HYDIN: variants seen among roughly 807,000 people sequenced by gnomAD.
HYDIN encodes axonemal central pair apparatus protein HYDIN.
A neutral mutation model predicts 403.9 loss-of-function variants in HYDIN; 132 were observed. That is an observed-to-expected ratio of 0.33 (90% CI 0.28 to 0.38). HYDIN has a LOEUF of 0.38. HYDIN is among the 10% of genes least tolerant of loss of function. The pLI is 1.00. For missense variants in HYDIN, 2,827 were observed against 5,009.5 expected, an observed-to-expected ratio of 0.56 and a Z score of 13.15; for synonymous variants, 1,202 against 1,891.7, an observed-to-expected ratio of 0.64 and a Z score of 9.46.
chr16:71,145,340 C>T (rs1043867814), intron 7 of HYDIN, among the ~76,000 whole-genome samples: 3 of 151,942 alleles, frequency 2.0e-5, no homozygotes, highest in Non-Finnish European at 4.4e-5. Flanking sequence ...CTGTAACCTC[C>T]GACTCCCTGG....
At chr16:71,172,433 T>C (rs2086503910) in intron 5 of HYDIN, among the ~76,000 whole-genome samples, 2 of 152,246 alleles carry the variant, frequency 1.3e-5, no homozygotes, top group Admixed American at 6.5e-5. Context: ...TTTTATAGTG[T>C]TATTTTATGA....
chr16:70,864,811 T>C (rs1305403538), intron 67 of HYDIN, among the ~76,000 whole-genome samples: 1 of 152,182 alleles, frequency 6.6e-6, no homozygotes, highest in East Asian at 1.9e-4. Context: ...TTTTTTGTCT[T>C]TGTGTCCCAT....
intron 8 of HYDIN, among the ~76,000 whole-genome samples, chr16:71,135,103 G>A (rs2144528141): frequency 6.6e-6 from 1 of 151,952 alleles, no homozygotes; most frequent in African/African-American, 2.4e-5. Flanking sequence ...TTAAAAGAGG[G>A]TCATGATTCT....
chr16:70,807,641 G>C lies in HYDIN; in HGVS notation c.15305C>G (p.Pro5102Arg). ...ITTKLTVSCP[P>R]GEGSETGVKW... ...AACTCCAGTCTCACTCCCTTCACCA[G>C]GAGGGCAGCTCACAGTCAGCTTGGT... Residue 5102 changes from proline to arginine, a missense_variant, in exon 86 of 86, where the codon CCT becomes CGT. Transcript: ENST00000393567. 6.2e-7 allele frequency: 1 copy of C among 1,614,174 alleles called. No individual in the cohort carries two copies. The highest frequency in any genetic ancestry group is 1.3e-5 in the African/African-American group (1 of 75,042).
chr16:71,206,109 C>G (rs2088286027), intron 1 of HYDIN, among the ~76,000 whole-genome samples: 1 of 152,218 alleles, frequency 6.6e-6, no homozygotes, highest in African/African-American at 2.4e-5. Context: ...ATGGGCCACA[C>G]CCACTAGAGT....
At chr16:71,211,236 A>C (rs1171407308) in intron 1 of HYDIN, among the ~76,000 whole-genome samples, 2 of 152,210 alleles carry the variant, frequency 1.3e-5, no homozygotes, top group Non-Finnish European at 2.9e-5. Context: ...TCTGACTCAA[A>C]TTTGCAGCCC....
At chr16:71,077,778 C>T (rs566029600) in intron 13 of HYDIN, among the ~76,000 whole-genome samples, 1 of 151,448 alleles carries the variant, frequency 6.6e-6, no homozygotes, top group Non-Finnish European at 1.5e-5. Context: ...ACTAAATATA[C>T]ATTACTAAAT....
intron 23 of HYDIN, among the ~76,000 whole-genome samples, chr16:70,998,060 T>C (rs919353625): frequency 2.6e-5 from 4 of 152,192 alleles, no homozygotes; most frequent in East Asian, 1.9e-4. Context: ...AAACGGCAAC[T>C]TGAAAACTAC....
chr16:71,176,477 C>T (rs1332199324), intron 4 of HYDIN, among the ~76,000 whole-genome samples: 1 of 152,130 alleles, frequency 6.6e-6, no homozygotes, highest in African/African-American at 2.4e-5. Flanking sequence ...ACATTATATG[C>T]CACCTCATCC....
Position 70,807,289 on chromosome 16 carries a change from G to T in HYDIN, c.*291C>A, listed in dbSNP as rs2035148762. ...TACCTGTGCCTTCTTGATAAAAATG[G>T]GAATTATTACAAAGTACTTGAGCTT... On this transcript the variant is annotated 3_prime_UTR_variant, in exon 86 of 86. Transcript: ENST00000393567. 4 of 340,070 alleles carry T rather than the reference G, an allele frequency of 1.2e-5. No individual in the cohort carries two copies. The South Asian group carries it at 2.1e-4, about 18-fold the overall frequency. The allele number at this position is 340,070 out of a possible 1,614,324, so 21.1% of individuals were successfully genotyped here. A position where few individuals can be genotyped will look rare whatever the true frequency, so the allele number is the denominator to read the frequency against.
At chr16:70,931,869 G>A (rs552376985) in intron 45 of HYDIN, among the ~76,000 whole-genome samples, 1 of 150,012 alleles carries the variant, frequency 6.7e-6, no homozygotes, top group Non-Finnish European at 1.5e-5. Context: ...ACTAAAATTA[G>A]CCAGGCATGG....
intron 6 of HYDIN, among the ~76,000 whole-genome samples, chr16:71,157,496 A>G (rs977541342): frequency 9.3e-5 from 14 of 149,858 alleles, no homozygotes; most frequent in Admixed American, 9.3e-4. Context: ...TAGAGATTCT[A>G]ACTCAATATG....
At chr16:70,981,657 G>A in intron 28 of HYDIN, 89 bp from the exon 29 acceptor site, 3 of 1,433,074 alleles carry the variant, frequency 2.1e-6, no homozygotes, top group South Asian at 3.6e-5. Flanking sequence ...CAACAACAAT[G>A]ACAAAGTAAA....
intron 1 of HYDIN, among the ~76,000 whole-genome samples, chr16:71,224,662 C>A (rs933226611): frequency 6.8e-6 from 1 of 147,436 alleles, no homozygotes; most frequent in Admixed American, 6.7e-5. Flanking sequence ...CCCGGGTTCA[C>A]GCCATTCTCC....
chr16:70,864,959 T>C (rs1178170316), intron 67 of HYDIN, among the ~76,000 whole-genome samples: 2 of 152,110 alleles, frequency 1.3e-5, no homozygotes, highest in Admixed American at 1.3e-4. Context: ...TGCTGACCCC[T>C]GCTTTAGGTG....
At chr16:71,178,851 C>T (rs2144649477) in intron 4 of HYDIN, 77 bp downstream of exon 4, 1 of 1,180,340 alleles carries the variant, frequency 8.5e-7, no homozygotes, top group Non-Finnish European at 1.2e-6. Flanking sequence ...TATCAAAGAT[C>T]CCTCAAGATC....
chr16:70,845,711 A>G (rs2038154759), intron 75 of HYDIN, among the ~76,000 whole-genome samples: 1 of 137,534 alleles, frequency 7.3e-6, no homozygotes, highest in Non-Finnish European at 1.5e-5. Context: ...TATTGCCACA[A>G]TTTCAGCTCC....
intron 15 of HYDIN, among the ~76,000 whole-genome samples, chr16:71,066,085 A>G (rs1347960549): frequency 6.6e-6 from 1 of 152,134 alleles, no homozygotes; most frequent in Non-Finnish European, 1.5e-5. Flanking sequence ...CACAGAATAT[A>G]AGTAGAAAAC....
intron 1 of HYDIN, among the ~76,000 whole-genome samples, chr16:71,193,883 T>G (rs1382946195): frequency 6.6e-6 from 1 of 152,054 alleles, no homozygotes; most frequent in East Asian, 1.9e-4. Context: ...CCCAAGCCCC[T>G]CCCTTCTTTG....
Sources: gnomAD v4.1 joint callset for allele counts (sites outside exome capture counted in the v4.1 genomes callset) on GRCh38, gnomAD v4.1.1 for gene constraint, MANE v1.5 for transcripts, NCBI Gene and HGNC (gene_info 2026-07-23, HGNC 2026-07-21) for gene names.